Variants in KIF13A observed in about 807,000 individuals in gnomAD.
KIF13A encodes kinesin family member 13A.
KIF13A carries 79 observed loss-of-function variants against 212.2 expected under a neutral mutation model. That is an observed-to-expected ratio of 0.37 (90% CI 0.31 to 0.45). KIF13A has a LOEUF of 0.45. Among genes scored for constraint, KIF13A ranks in the 20% least tolerant of loss-of-function variants. KIF13A has a pLI of 1.00. For missense variants in KIF13A, 1,901 were observed against 2,209.0 expected, an observed-to-expected ratio of 0.86 and a Z score of 2.79; for synonymous variants, 789 against 808.6, an observed-to-expected ratio of 0.98 and a Z score of 0.41.
intron 2 of KIF13A, among the ~76,000 whole-genome samples, chr6:17,909,809 T>C (rs1202448739): frequency 6.6e-6 from 1 of 151,794 alleles, no homozygotes; most frequent in Non-Finnish European, 1.5e-5. Flanking sequence ...CAGGAGAACC[T>C]GGGAGGCAGA....
intron 33 of KIF13A, among the ~76,000 whole-genome samples, chr6:17,778,218 G>C (rs1157639553): frequency 6.6e-6 from 1 of 152,202 alleles, no homozygotes; most frequent in Non-Finnish European, 1.5e-5. Context: ...TTTTTATACA[G>C]GTGGACAGAG....
At chr6:17,878,589 T>G (rs1301383021) in intron 3 of KIF13A, among the ~76,000 whole-genome samples, 1 of 152,172 alleles carries the variant, frequency 6.6e-6, no homozygotes, top group African/African-American at 2.4e-5. Flanking sequence ...TCAAACTTAA[T>G]TTAACAATTT....
chr6:17,841,133 C>G (rs1259838725), intron 9 of KIF13A, among the ~76,000 whole-genome samples: 1 of 149,886 alleles, frequency 6.7e-6, no homozygotes, highest in Non-Finnish European at 1.5e-5. Context: ...CAGGCACTGG[C>G]ACAATCATGG....
At chr6:17,805,217 A>G (rs1762836494) in intron 19 of KIF13A, among the ~76,000 whole-genome samples, 2 of 152,232 alleles carry the variant, frequency 1.3e-5, no homozygotes, top group Admixed American at 1.3e-4. Flanking sequence ...GTAAACATGA[A>G]GCCAAATAAG....
rs1368982262 is a variant in KIF13A, at chr6:17,915,420, C to T, written c.147-17240G>A. Reference sequence around the variant, plus strand: ...AGCTTTTAAAAGCAGCAGAGTAACACACGCGATGCAAGGCCCCTCATTTTC... The same window carrying T: ...AGCTTTTAAAAGCAGCAGAGTAACATACGCGATGCAAGGCCCCTCATTTTC... On this transcript the variant is annotated intron_variant, in intron 2 of 38. Transcript: ENST00000259711. This position sits in a 1 kb window ranked among gnomAD's most constrained non-coding sequence, Gnocchi z 4.4. Among the ~76,000 whole-genome samples the T allele has an allele frequency of 1.3e-5, 2 of 152,224 alleles. No homozygotes were observed. The highest frequency in any genetic ancestry group is 4.8e-5 in the African/African-American group (2 of 41,450).
At chr6:17,803,060 A>G (rs1437928298) in intron 20 of KIF13A, among the ~76,000 whole-genome samples, 1 of 151,100 alleles carries the variant, frequency 6.6e-6, no homozygotes, top group Non-Finnish European at 1.5e-5. Flanking sequence ...CAGCCTCCCG[A>G]GTAGCTGGGA....
intron 2 of KIF13A, among the ~76,000 whole-genome samples, chr6:17,983,359 G>C (rs1013321159): frequency 2.6e-5 from 4 of 152,020 alleles, no homozygotes; most frequent in African/African-American, 7.2e-5. Context: ...GACAGCAGGG[G>C]TGAAGAGGAA....
At position 17,855,229 on chromosome 6, in the gene KIF13A, G is replaced by A. The variant is rs1020015832; in HGVS notation, c.494+208C>T. 1.3e-4 allele frequency among the ~76,000 whole-genome samples: 20 copies of A among 152,130 alleles called. No individual in the cohort carries two copies. Among genetic ancestry groups the A allele is most frequent in the Admixed American group, 5.9e-4 (9 of 15,270 alleles). On this transcript the variant is annotated intron_variant, in intron 6 of 38. Coordinates refer to ENST00000259711, the MANE Select transcript of KIF13A (RefSeq NM_022113.6). This position sits in a 1 kb window ranked among gnomAD's most constrained non-coding sequence, Gnocchi z 4.1. ...AATAGTAAAAACATCTTTTCAAAGG[G>A]CATACATAGGCAACTTTATACATTA...
At chr6:17,974,871 T>C (rs1466736047) in intron 2 of KIF13A, among the ~76,000 whole-genome samples, 2 of 152,230 alleles carry the variant, frequency 1.3e-5, no homozygotes, top group East Asian at 3.8e-4. Flanking sequence ...TCCTTGATCA[T>C]AACCACATGT....
At position 17,798,726 on chromosome 6, in the gene KIF13A, C is replaced by T. The variant is rs140015065; in HGVS notation, c.2790+540G>A. ...ATATGATGTCTCAAAGGAGATCCAA[C>T]CACATTCACCACAAATTCACCTTTC... On this transcript the variant is annotated intron_variant, in intron 22 of 38. Transcript: ENST00000259711. 1.8e-3 allele frequency among the ~76,000 whole-genome samples: 275 copies of T among 152,286 alleles called. 1 individual carries two copies. Among genetic ancestry groups the T allele is most frequent in the Non-Finnish European group, 3.4e-3 (229 of 68,022 alleles).
intron 2 of KIF13A, among the ~76,000 whole-genome samples, chr6:17,958,367 A>T (rs958479741): frequency 6.6e-5 from 10 of 152,218 alleles, no homozygotes; most frequent in Non-Finnish European, 1.2e-4. Context: ...ATTGCTTTTT[A>T]AGAATACTTA....
intron 22 of KIF13A, 114 bp from the exon 23 acceptor site, chr6:17,796,934 T>A: frequency 5.6e-6 from 3 of 531,046 alleles, no homozygotes; most frequent in Non-Finnish European, 8.7e-6. Flanking sequence ...ATCGTGACCT[T>A]AAATCCGTCT....
downstream of KIF13A, chr6:17,760,836 G>T: frequency 6.2e-7 from 1 of 1,613,348 alleles, no homozygotes; most frequent in South Asian, 1.1e-5. Flanking sequence ...GCTGTGGCCT[G>T]AGGAGGGGTG....
At chr6:17,791,108 C>CTT (rs75867605) in intron 25 of KIF13A, among the ~76,000 whole-genome samples, 1 of 137,238 alleles carries the variant, frequency 7.3e-6, no homozygotes, top group Non-Finnish European at 1.6e-5. Context: ...AAATGAACTG[C>CTT]TTTTTTTTTT....
At position 17,794,490 on chromosome 6, in the gene KIF13A, T is replaced by C. The variant is rs1761866914; in HGVS notation, c.3075+82A>G. 4 of 1,557,192 alleles carry C rather than the reference T, an allele frequency of 2.6e-6. No homozygotes were observed. The highest frequency in any genetic ancestry group is 1.9e-5 in the Admixed American group (1 of 51,336). On this transcript the variant is annotated intron_variant, in intron 24 of 38. Transcript: ENST00000259711. The surrounding 1 kb of genome is among the most constrained non-coding windows in gnomAD (Gnocchi z 4.1). ...AAGGATTAGAGAATAAAGATACAAATAGTTAGAAAATCCCCAGAAACAATG... is the reference window on the plus strand; with the variant it reads ...AAGGATTAGAGAATAAAGATACAAACAGTTAGAAAATCCCCAGAAACAATG...
At position 17,763,998 on chromosome 6, in the gene KIF13A, T is replaced by A; in HGVS notation, c.*112A>T. On this transcript the variant is annotated 3_prime_UTR_variant, in exon 39 of 39. Transcript: ENST00000259711. ...CCGACAGAGACAGCTGTGCAGGAAGTGAGCCTGCTTCTCTGTGGGCTCATC... is the reference window on the plus strand; with the variant it reads ...CCGACAGAGACAGCTGTGCAGGAAGAGAGCCTGCTTCTCTGTGGGCTCATC... 6.8e-7 allele frequency: 1 copy of A among 1,464,502 alleles called. No individual in the cohort carries two copies. Among genetic ancestry groups the A allele is most frequent in the East Asian group, 2.5e-5 (1 of 40,542 alleles). 90.7% of individuals were successfully genotyped at this position (1,464,502 alleles called of 1,614,324 possible).
chr6:17,875,373 T>G (rs947524475), intron 3 of KIF13A, among the ~76,000 whole-genome samples: 1 of 152,086 alleles, frequency 6.6e-6, no homozygotes, highest in African/African-American at 2.4e-5. Context: ...AGCTACTGAA[T>G]GCCTACTATA....
At chr6:17,803,213 C>T (rs539551386) in intron 20 of KIF13A, among the ~76,000 whole-genome samples, 29 of 152,162 alleles carry the variant, frequency 1.9e-4, no homozygotes, top group Non-Finnish European at 3.5e-4. Flanking sequence ...GGATTACAGG[C>T]GTGAGCCACT....
chr6:17,883,470 G>T lies in KIF13A; in HGVS notation c.160-10033C>A, dbSNP rs116449426. Among the ~76,000 whole-genome samples, 2,865 of 152,288 alleles carry T rather than the reference G, an allele frequency of 0.019. 96 individuals carry two copies. Among genetic ancestry groups the T allele is most frequent in the African/African-American group, 0.065 (2,716 of 41,540 alleles). On this transcript the variant is annotated intron_variant, in intron 3 of 38. Coordinates refer to ENST00000259711, the MANE Select transcript of KIF13A (RefSeq NM_022113.6). The surrounding 1 kb of genome is among the most constrained non-coding windows in gnomAD (Gnocchi z 4.8). ...TGCTTAAAATAGCACAGATCAGTCA[G>T]TGTAAATCCTTCAGTGGCACAGCCA... is the stretch of plus-strand genomic sequence containing the variant.
Sources: gnomAD v4.1 joint callset for allele counts (sites outside exome capture counted in the v4.1 genomes callset) on GRCh38, gnomAD v4.1.1 for gene constraint, Gnocchi (gnomAD v3.1) non-coding constraint, MANE v1.5 for transcripts, NCBI Gene and HGNC (gene_info 2026-07-23, HGNC 2026-07-21) for gene names.